The following NOL10 variants were observed in gnomAD, a reference collection of about 807,000 sequenced individuals.
NOL10 encodes the protein H_NH0074G24.1.
Under a neutral mutation model 103.5 loss-of-function variants are expected in NOL10, and 58 were observed. That is an observed-to-expected ratio of 0.56 (90% CI 0.45 to 0.70). NOL10 has a LOEUF of 0.70. NOL10 is among the 30% of genes least tolerant of loss of function. NOL10 has a pLI of 0.00. For synonymous variants in NOL10, 287 were observed against 282.5 expected (o/e 1.02, Z -0.16); for missense variants, 763 against 807.3 (o/e 0.95, Z 0.67).
chr2:10,598,447 A>T (rs929388630), intron 17 of NOL10, among the ~76,000 whole-genome samples: 1 of 152,248 alleles, frequency 6.6e-6, no homozygotes, highest in Non-Finnish European at 1.5e-5. Flanking sequence ...TAGAAGAAAG[A>T]GCTGGCTGTG....
At chr2:10,676,612 A>G (rs1451239952) in intron 3 of NOL10, among the ~76,000 whole-genome samples, 2 of 151,592 alleles carry the variant, frequency 1.3e-5, no homozygotes, top group African/African-American at 4.8e-5. Context: ...ATTTTGTACA[A>G]TGAAATGGTA....
chr2:10,609,239 G>A (rs184346108), intron 13 of NOL10, among the ~76,000 whole-genome samples: 41 of 102,076 alleles, frequency 4.0e-4, no homozygotes, highest in African/African-American at 2.0e-3. Flanking sequence ...AGTCGAAGGG[G>A]AAGATGGCTT....
At chr2:10,652,218 G>T (rs1679514906) in intron 12 of NOL10, among the ~76,000 whole-genome samples, 1 of 150,458 alleles carries the variant, frequency 6.6e-6, no homozygotes, top group African/African-American at 2.5e-5. Flanking sequence ...CCAGCCTGGG[G>T]GACAGAGGGA....
rs5829273 is a variant in NOL10, at chr2:10,671,409, CTTTTTTT to C, written c.464+138_464+144del. On this transcript the variant is annotated intron_variant, in intron 6 of 20. Coordinates refer to ENST00000381685, the MANE Select transcript of NOL10 (RefSeq NM_024894.4). ...TTTTGCCTATCCTGTGTTTTCTTTT[CTTTTTTT>C]TTTTTTTTTTACAAGAGCCACGTAT... The C allele has an allele frequency of 2.0e-5, 9 of 458,802 alleles. No homozygotes were observed. The African/African-American group carries it at 2.0e-4, about 10-fold the overall frequency. The allele number at this position is 458,802 out of a possible 1,614,324, so 28.4% of individuals were successfully genotyped here. A position where few individuals can be genotyped will look rare whatever the true frequency, so the allele number is the denominator to read the frequency against.
intron 12 of NOL10, among the ~76,000 whole-genome samples, chr2:10,646,183 C>T (rs1679061223): frequency 6.6e-6 from 1 of 152,140 alleles, no homozygotes; most frequent in Admixed American, 6.5e-5. Context: ...TCTCCACTAA[C>T]AACACTGCTG....
chr2:10,595,394 C>T (rs536319824), intron 17 of NOL10, among the ~76,000 whole-genome samples: 3 of 152,024 alleles, frequency 2.0e-5, no homozygotes, highest in Non-Finnish European at 2.9e-5. Flanking sequence ...TGGCTAACTG[C>T]GGCCTTGCAG....
At chr2:10,610,655 C>T (rs1230284336) in intron 13 of NOL10, among the ~76,000 whole-genome samples, 1 of 152,160 alleles carries the variant, frequency 6.6e-6, no homozygotes, top group South Asian at 2.1e-4. Context: ...AAAACAGTGG[C>T]CAGCTTAGCC....
At chr2:10,662,162 C>G (rs568969444) in intron 9 of NOL10, among the ~76,000 whole-genome samples, 1 of 152,234 alleles carries the variant, frequency 6.6e-6, no homozygotes, top group Non-Finnish European at 1.5e-5. Flanking sequence ...AAAATAAATA[C>G]AATAACAGTG....
At chr2:10,613,716 A>C (rs1308343703) in intron 13 of NOL10, among the ~76,000 whole-genome samples, 1 of 152,206 alleles carries the variant, frequency 6.6e-6, no homozygotes, top group African/African-American at 2.4e-5. Context: ...CTATTAAATC[A>C]AACAGGTAAG....
At position 10,571,936 on chromosome 2, in the gene NOL10, A is replaced by G; in HGVS notation, c.*135T>C. The stretch of plus-strand genomic sequence containing the variant: ...CAACCCACAAGGCACAGGTTTTCAA[A>G]TCTTTACCTCTGTGTACAAGAACGT... On this transcript the variant is annotated 3_prime_UTR_variant, in exon 21 of 21. Transcript: ENST00000381685. 1 of 1,102,812 alleles carries G rather than the reference A, an allele frequency of 9.1e-7. No individual in the cohort carries two copies. Among genetic ancestry groups the G allele is most frequent in the Non-Finnish European group, 1.3e-6 (1 of 777,538 alleles). The allele number at this position is 1,102,812 out of a possible 1,614,324, so 68.3% of individuals were successfully genotyped here.
At position 10,657,816 on chromosome 2, in the gene NOL10, C is replaced by A. The variant is rs766441548; in HGVS notation, c.832G>T (p.Val278Phe). The change falls in exon 11 of 21, where the codon GTT (valine) becomes TTT (phenylalanine). Residue 278 changes from valine to phenylalanine, a missense_variant. Transcript: ENST00000381685. Reference protein sequence around the residue: ...DHQYGLPIKSVHFQDSLDLIL... With the variant: ...DHQYGLPIKSFHFQDSLDLIL... ...AGATCTAATGAATCCTGGAAATGAACGGACTTAATGGGCAGCCCATACTGG... is the reference window on the plus strand; with the variant it reads ...AGATCTAATGAATCCTGGAAATGAAAGGACTTAATGGGCAGCCCATACTGG... 3 of 1,550,722 alleles carry A rather than the reference C, an allele frequency of 1.9e-6. No individual in the cohort carries two copies. The highest frequency in any genetic ancestry group is 4.9e-5 in the East Asian group (2 of 40,886).
At chr2:10,587,230 T>TATATAC (rs1675141961) in intron 19 of NOL10, among the ~76,000 whole-genome samples, 1 of 37,456 alleles carries the variant, frequency 2.7e-5, no homozygotes, top group Non-Finnish European at 4.5e-5. Context: ...TATATATACA[T>TATATAC]ATATATATAC....
At chr2:10,686,374 A>C (rs1278718998) in intron 1 of NOL10, among the ~76,000 whole-genome samples, 1 of 152,150 alleles carries the variant, frequency 6.6e-6, no homozygotes, top group Non-Finnish European at 1.5e-5. Context: ...TCGAGCAGTG[A>C]GACTTGTGAG....
At chr2:10,584,297 A>G (rs1015315919) in intron 19 of NOL10, among the ~76,000 whole-genome samples, 1 of 152,182 alleles carries the variant, frequency 6.6e-6, no homozygotes, top group Non-Finnish European at 1.5e-5. Flanking sequence ...GCTCGCACTG[A>G]GCAGTTGATA....
rs551733990 is a variant in NOL10 at position 10,663,479 on chromosome 2, G to A, written c.592-435C>T. On this transcript the variant is annotated intron_variant, in intron 8 of 20. Coordinates refer to ENST00000381685, the MANE Select transcript of NOL10 (RefSeq NM_024894.4). ...TTATTTTTAAGAAATCCATTTTAAA[G>A]TATTTAGGGAAGAAATATCATAATG... 1.3e-4 allele frequency among the ~76,000 whole-genome samples: 20 copies of A among 151,802 alleles called. No homozygotes were observed. In the South Asian group the frequency reaches 3.5e-3, roughly 27 times the overall value.
intron 12 of NOL10, among the ~76,000 whole-genome samples, chr2:10,644,859 G>A (rs929288466): frequency 6.6e-6 from 1 of 152,110 alleles, no homozygotes; most frequent in African/African-American, 2.4e-5. Flanking sequence ...TTATTATTTG[G>A]TACTAAACTA....
intron 18 of NOL10, 55 bp from the exon 19 acceptor site, chr2:10,589,345 C>T (rs1675282976): frequency 6.3e-7 from 1 of 1,597,638 alleles, no homozygotes; most frequent in Non-Finnish European, 8.5e-7. Context: ...ACACAGACCC[C>T]TTGGTTTCTC....
chr2:10,689,687 G>A, intron 1 of NOL10, 109 bp downstream of exon 1: 5 of 1,127,198 alleles, frequency 4.4e-6, no homozygotes, highest in South Asian at 4.2e-5. Context: ...GTCGGGGGGT[G>A]ACCAGCGTCC....
chr2:10,576,361 A>G (rs543145320), intron 20 of NOL10, among the ~76,000 whole-genome samples: 1 of 152,338 alleles, frequency 6.6e-6, no homozygotes, highest in South Asian at 2.1e-4. Flanking sequence ...GCTCCTAGGT[A>G]TAGACCCAAG....
Sources: gnomAD v4.1 joint callset for allele counts (sites outside exome capture counted in the v4.1 genomes callset) on GRCh38, gnomAD v4.1.1 for gene constraint, MANE v1.5 for transcripts, NCBI Gene and HGNC (gene_info 2026-07-23, HGNC 2026-07-21) for gene names.